Variants in ADAMTSL1 observed in about 807,000 individuals in gnomAD.
The protein encoded by ADAMTSL1 is ADAMTS like 1.
A neutral mutation model predicts 201.8 loss-of-function variants in ADAMTSL1; 126 were observed. That is an observed-to-expected ratio of 0.62 (90% CI 0.54 to 0.72). ADAMTSL1 has a LOEUF of 0.72. Among genes scored for constraint, ADAMTSL1 ranks in the 30% least tolerant of loss-of-function variants. ADAMTSL1 has a pLI of 0.00. For synonymous variants in ADAMTSL1, 1,121 were observed against 903.4 expected, an observed-to-expected ratio of 1.24 and a Z score of -4.32; for missense variants, 2,679 against 2,277.8, an observed-to-expected ratio of 1.18 and a Z score of -3.59.
chr9:18,863,012 A>G (rs1182780165), intron 23 of ADAMTSL1, among the ~76,000 whole-genome samples: 1 of 152,222 alleles, frequency 6.6e-6, no homozygotes, highest in African/African-American at 2.4e-5. Context: ...AACTTTTAAA[A>G]TTGGACTAAT....
intron 5 of ADAMTSL1, among the ~76,000 whole-genome samples, chr9:18,633,781 G>A (rs1329364053): frequency 6.6e-6 from 1 of 151,594 alleles, no homozygotes; most frequent in African/African-American, 2.4e-5. Flanking sequence ...TGTCATGAGT[G>A]GAATATTCAA....
At chr9:18,072,813 C>T (rs943329775) in intron 1 of ADAMTSL1, among the ~76,000 whole-genome samples, 1 of 152,214 alleles carries the variant, frequency 6.6e-6, no homozygotes, top group African/African-American at 2.4e-5. Flanking sequence ...TTTTCCAGTT[C>T]ATGCTATCAG....
intron 1 of ADAMTSL1, among the ~76,000 whole-genome samples, chr9:18,024,601 C>G (rs563684405): frequency 2.2e-4 from 34 of 152,188 alleles, no homozygotes; most frequent in Admixed American, 8.5e-4. Context: ...TGATTCCATT[C>G]TTTTTTATGG....
intron 2 of ADAMTSL1, among the ~76,000 whole-genome samples, chr9:18,287,334 C>T (rs922880316): frequency 1.3e-5 from 2 of 151,018 alleles, no homozygotes; most frequent in South Asian, 2.1e-4. Flanking sequence ...CACACACACA[C>T]GTGTGTGTAT....
intron 23 of ADAMTSL1, among the ~76,000 whole-genome samples, chr9:18,871,395 C>G (rs1455452270): frequency 6.6e-6 from 1 of 152,152 alleles, no homozygotes; most frequent in Non-Finnish European, 1.5e-5. Context: ...TTCTCAGGCT[C>G]CTTTGATATC....
chr9:18,568,291 T>C (rs1458155077), intron 3 of ADAMTSL1, among the ~76,000 whole-genome samples: 1 of 152,154 alleles, frequency 6.6e-6, no homozygotes, highest in Non-Finnish European at 1.5e-5. Context: ...GAATAAAAGA[T>C]ACAGAAAGCC....
At chr9:18,218,388 T>C (rs1419040205) in intron 2 of ADAMTSL1, among the ~76,000 whole-genome samples, 2 of 152,142 alleles carry the variant, frequency 1.3e-5, no homozygotes, top group Non-Finnish European at 2.9e-5. Context: ...ACTGTAATCA[T>C]TTTTTCTGTC....
At chr9:18,375,874 T>C (rs1837271362) in intron 2 of ADAMTSL1, among the ~76,000 whole-genome samples, 2 of 152,212 alleles carry the variant, frequency 1.3e-5, no homozygotes, top group Non-Finnish European at 2.9e-5. Context: ...GATTGGTCCA[T>C]TTTACAAACC....
intron 2 of ADAMTSL1, among the ~76,000 whole-genome samples, chr9:18,185,650 A>T (rs1039051486): frequency 2.6e-5 from 4 of 152,204 alleles, no homozygotes; most frequent in African/African-American, 9.6e-5. Context: ...TGACAAGGAG[A>T]CAAAATTATC....
In ADAMTSL1 at chr9:18,410,191, C is replaced by A. The variant is rs569671232; in HGVS notation, c.208-94638C>A. On this transcript the variant is annotated intron_variant, in intron 2 of 29. Coordinates refer to the ADAMTSL1 transcript ENST00000680146. ...TAGTCCCTGAATCTTTTTTTTTTTA[C>A]TTCCTTTTTTTTTCTGTCAACTTTT... 3.3e-4 allele frequency among the ~76,000 whole-genome samples: 50 copies of A among 149,492 alleles called. 1 individual carries two copies. In the East Asian group the frequency reaches 6.7e-3, roughly 20 times the overall value.
At chr9:18,620,075 A>G (rs1443802838) in intron 4 of ADAMTSL1, among the ~76,000 whole-genome samples, 1 of 98,858 alleles carries the variant, frequency 1.0e-5, no homozygotes, top group African/African-American at 4.2e-5. Flanking sequence ...CCAATTAGTT[A>G]GTATCCAGGC....
chr9:18,105,922 C>A (rs148908324), intron 1 of ADAMTSL1, among the ~76,000 whole-genome samples: 1 of 152,146 alleles, frequency 6.6e-6, no homozygotes, highest in Non-Finnish European at 1.5e-5. Flanking sequence ...ATAACTCAGC[C>A]GAAGAACAGG....
At chr9:18,245,342 T>G (rs372987635) in intron 2 of ADAMTSL1, among the ~76,000 whole-genome samples, 25 of 152,200 alleles carry the variant, frequency 1.6e-4, no homozygotes, top group African/African-American at 5.5e-4. Context: ...ATAGCTTATA[T>G]TCCTATTGTG....
At chr9:18,361,077 A>G (rs941416543) in intron 2 of ADAMTSL1, among the ~76,000 whole-genome samples, 1 of 152,236 alleles carries the variant, frequency 6.6e-6, no homozygotes, top group Non-Finnish European at 1.5e-5. Context: ...TTTATAAAAT[A>G]CAAGATGGTA....
At chr9:18,283,328 G>A (rs973244759) in intron 2 of ADAMTSL1, among the ~76,000 whole-genome samples, 1 of 152,036 alleles carries the variant, frequency 6.6e-6, no homozygotes, top group East Asian at 1.9e-4. Flanking sequence ...TCTTTAACCA[G>A]GTGTAGTGGT....
intron 1 of ADAMTSL1, among the ~76,000 whole-genome samples, chr9:18,064,259 G>A (rs1822594495): frequency 6.6e-6 from 1 of 152,046 alleles, no homozygotes. Context: ...AATGATCAAT[G>A]TAGTCTGTAG....
rs1821055166 is a variant in ADAMTSL1, at chr9:18,776,958, C to A, written c.2729C>A (p.Thr910Asn). Residue 910 changes from threonine (T) to asparagine (N), a missense_variant, in exon 19 of 29, where the codon ACC (threonine) becomes AAC (asparagine). Thr to Asn is a moderately conservative substitution (Grantham distance 65). Coordinates refer to ENST00000380548, the MANE Select transcript of ADAMTSL1 (RefSeq NM_001040272.6). ...PARRVRKPLI[T>N]WEKDGQHLIS... Reference sequence around the variant, plus strand: ...CGCAGGGTCCGCAAGCCCCTCATCACCTGGGAGAAGGACGGCCAGCACCTC... The same window carrying A: ...CGCAGGGTCCGCAAGCCCCTCATCAACTGGGAGAAGGACGGCCAGCACCTC... The A allele has an allele frequency of 2.5e-6, 4 of 1,598,100 alleles. No individual in the cohort carries two copies. The highest frequency in any genetic ancestry group is 2.6e-6 in the Non-Finnish European group (3 of 1,171,028).
At chr9:18,575,520 C>T (rs570833839) in intron 4 of ADAMTSL1, among the ~76,000 whole-genome samples, 2 of 152,260 alleles carry the variant, frequency 1.3e-5, no homozygotes, top group Non-Finnish European at 2.9e-5. Context: ...CTGATCTTTG[C>T]TATTTACTTC....
chr9:18,416,098 C>G (rs1385908641), intron 2 of ADAMTSL1, among the ~76,000 whole-genome samples: 1 of 151,942 alleles, frequency 6.6e-6, no homozygotes, highest in Non-Finnish European at 1.5e-5. Flanking sequence ...GAATATGGAG[C>G]TACAGAAAGG....
Sources: allele counts gnomAD v4.1 joint callset (sites outside exome capture counted in the v4.1 genomes callset), GRCh38; gene constraint gnomAD v4.1.1; transcripts MANE v1.5; gene names NCBI Gene and HGNC (gene_info 2026-07-23, HGNC 2026-07-21).